KCNJ14: variants seen among roughly 807,000 people sequenced by gnomAD.
KCNJ14 encodes the protein ATP-sensitive inward rectifier potassium channel 14.
Under a neutral mutation model 24.5 loss-of-function variants are expected in KCNJ14, and 18 were observed. The observed-to-expected ratio is 0.74, with a 90% CI of 0.51 to 1.09. The LOEUF (loss-of-function observed/expected upper bound fraction) is 1.09, where lower values mean the gene tolerates loss of function less well. Ranked by LOEUF, KCNJ14 falls within the 50% of genes least tolerant of loss-of-function variation. The pLI is 0.00. For synonymous variants in KCNJ14, 288 were observed against 270.8 expected (o/e 1.06, Z -0.63); for missense variants, 633 against 623.0 (o/e 1.02, Z -0.17).
Position 48,461,844 on chromosome 19 carries a change from G to C in KCNJ14, c.120G>C (p.Pro40=). The part of the protein sequence containing the change: ...GLCRNGWAPA[P]VQSPVGRRRG... ...GCCGCAACGGGTGGGCGCCGGCACC[G>C]GTGCAGTCACCCGTGGGCCGGCGCC... Residue 40 remains proline (P), a synonymous_variant, in exon 2 of 3, where the codon CCG becomes CCC. Transcript: ENST00000342291. The C allele has an allele frequency of 1.3e-6, 2 of 1,533,250 alleles. No individual in the cohort carries two copies. The highest frequency in any genetic ancestry group is 1.8e-6 in the Non-Finnish European group (2 of 1,140,680). The allele number at this position is 1,533,250 out of a possible 1,614,324, so 95.0% of individuals were successfully genotyped here.
rs372136470 is a variant in KCNJ14 at position 48,460,164 on chromosome 19, C to T, written c.-55-1506C>T. ...CATGCTGAGAAGCAGTTACACCTTA[C>T]GATTATGAGCATGGACCCTGGAGCT... On this transcript the variant is annotated intron_variant, in intron 1 of 2. Coordinates refer to ENST00000342291, the MANE Select transcript of KCNJ14 (RefSeq NM_013348.4). Among the ~76,000 whole-genome samples the T allele has an allele frequency of 1.1e-4, 17 of 152,274 alleles. No homozygotes were observed. In the South Asian group the frequency reaches 3.5e-3, roughly 32 times the overall value.
In KCNJ14 at chr19:48,464,810, C is replaced by G; in HGVS notation, c.*33C>G. On this transcript the variant is annotated 3_prime_UTR_variant, in exon 3 of 3. Transcript: ENST00000342291. ...TGATGTCCCCTTCCCCGTGTATGCC[C>G]CCTTCCCCAAGGTAGCAAGATGGAG... 1 of 1,494,990 alleles carries G rather than the reference C, an allele frequency of 6.7e-7. No homozygotes were observed. The highest frequency in any genetic ancestry group is 9.2e-7 in the Non-Finnish European group (1 of 1,089,876). The allele number at this position is 1,494,990 out of a possible 1,614,324, so 92.6% of individuals were successfully genotyped here.
intron 2 of KCNJ14, 54 bp from the exon 3 acceptor site, chr19:48,464,127 C>A: frequency 1.6e-6 from 2 of 1,226,802 alleles, no homozygotes; most frequent in Non-Finnish European, 2.4e-6. Context: ...CTCACTTCGT[C>A]TCTGCCCGTC....
rs537004729 is a variant in KCNJ14, at chr19:48,462,911, C to T, written c.714+473C>T. 6.6e-6 allele frequency among the ~76,000 whole-genome samples: 1 copy of T among 152,158 alleles called. No homozygotes were observed. On this transcript the variant is annotated intron_variant, in intron 2 of 2. Coordinates refer to ENST00000342291, the MANE Select transcript of KCNJ14 (RefSeq NM_013348.4). The surrounding 1 kb of genome is among the most constrained non-coding windows in gnomAD (Gnocchi z 4.9). ...TCGGAGGCCTGTGACTTGAGGCCCC[C>T]GGGAGAAGCAGGCCCTGGAATGGGT...
intron 1 of KCNJ14, 41 bp downstream of exon 1, chr19:48,455,899 A>G (rs1251643531): frequency 6.6e-6 from 1 of 152,304 alleles, no homozygotes; most frequent in African/African-American, 2.4e-5. Context: ...GGCTGTGGGC[A>G]TGTCGGGAGC....
intron 1 of KCNJ14, among the ~76,000 whole-genome samples, chr19:48,459,157 G>A (rs1403842001): frequency 7.1e-6 from 1 of 141,788 alleles, no homozygotes; most frequent in Non-Finnish European, 1.5e-5. Flanking sequence ...GGAGAATGGC[G>A]TGAACCCAGG....
rs1971617458 is a variant in KCNJ14, at chr19:48,462,977, G to A, written c.714+539G>A. Among the ~76,000 whole-genome samples the A allele has an allele frequency of 6.6e-6, 1 of 152,176 alleles. No individual in the cohort carries two copies. Among genetic ancestry groups the A allele is most frequent in the Non-Finnish European group, 1.5e-5 (1 of 68,018 alleles). ...GGAGCACAGTTCTCCAGGCCTCTAGGTGTGGGGTCCTGCGGCATCTGTGGG... is the reference window on the plus strand; with the variant it reads ...GGAGCACAGTTCTCCAGGCCTCTAGATGTGGGGTCCTGCGGCATCTGTGGG... On this transcript the variant is annotated intron_variant, in intron 2 of 2. Transcript: ENST00000342291. The surrounding 1 kb of genome is among the most constrained non-coding windows in gnomAD (Gnocchi z 4.9).
At position 48,461,334 on chromosome 19, in the gene KCNJ14, C is replaced by CA. The variant is rs1214148265; in HGVS notation, c.-55-325dup. 539 of 116,268 alleles carry CA rather than the reference C, an allele frequency of 4.6e-3. 1 individual carries two copies. Among genetic ancestry groups the CA allele is most frequent in the African/African-American group, 4.8e-3 (136 of 28,330 alleles). The allele number at this position is 116,268 out of a possible 1,614,324, so 7.2% of individuals were successfully genotyped here. ...CTGGCGACAAAGCACGACTCCGTCTCAAAAAAAAAAAGAAAAGAAAAGAAA... is the reference window on the plus strand; with the variant it reads ...CTGGCGACAAAGCACGACTCCGTCTCAAAAAAAAAAAAGAAAAGAAAAGAAA... On this transcript the variant is annotated intron_variant, in intron 1 of 2. Transcript: ENST00000342291.
chr19:48,457,727 G>C (rs950993609), intron 1 of KCNJ14, among the ~76,000 whole-genome samples: 9 of 151,486 alleles, frequency 5.9e-5, no homozygotes, highest in African/African-American at 2.2e-4. Context: ...GCCCAAGCTC[G>C]AGTGCACTCG....
intron 1 of KCNJ14, among the ~76,000 whole-genome samples, chr19:48,457,572 T>C (rs1443789402): frequency 6.6e-6 from 1 of 152,258 alleles, no homozygotes; most frequent in African/African-American, 2.4e-5. Flanking sequence ...CCATTTCATT[T>C]ATTTTACAAT....
chr19:48,459,142 A>C (rs1339901674), intron 1 of KCNJ14, among the ~76,000 whole-genome samples: 1 of 146,732 alleles, frequency 6.8e-6, no homozygotes, highest in African/African-American at 2.5e-5. Context: ...CGGGAGGCTG[A>C]GGCAGGAGAA....
chr19:48,463,315 G>C (rs942973759), intron 2 of KCNJ14, among the ~76,000 whole-genome samples: 1 of 152,150 alleles, frequency 6.6e-6, no homozygotes, highest in African/African-American at 2.4e-5. Flanking sequence ...CCGCCTCTGG[G>C]GTTCCTCTAC....
rs543860604 is a variant in KCNJ14, at chr19:48,465,424, T to A, written c.*647T>A. The A allele has an allele frequency of 6.6e-6, 1 of 152,232 alleles. No homozygotes were observed. The highest frequency in any genetic ancestry group is 1.9e-4 in the East Asian group (1 of 5,184). 9.4% of individuals were successfully genotyped at this position (152,232 alleles called of 1,614,324 possible). A position where few individuals can be genotyped will look rare whatever the true frequency, so the allele number is the denominator to read the frequency against. Reference sequence around the variant, plus strand: ...AAGCACTGGTGAGTCTAGGACAGATTTTACGTGGAGAGTTGAACTACTCCA... The same window carrying A: ...AAGCACTGGTGAGTCTAGGACAGATATTACGTGGAGAGTTGAACTACTCCA... On this transcript the variant is annotated 3_prime_UTR_variant, in exon 3 of 3. Coordinates refer to ENST00000342291, the MANE Select transcript of KCNJ14 (RefSeq NM_013348.4).
Position 48,461,757 on chromosome 19 carries a change from C to T in KCNJ14, c.33C>T (p.Ser11=). The T allele has an allele frequency of 6.9e-7, 1 of 1,444,046 alleles. No individual in the cohort carries two copies. The allele number at this position is 1,444,046 out of a possible 1,614,324, so 89.5% of individuals were successfully genotyped here. Residue 11 remains serine, a synonymous_variant, in exon 2 of 3, where the codon AGC becomes AGT. Transcript: ENST00000342291. ...TGGCCAGGGCCCTACGCCGCCTCAG[C>T]GGCGCCCTGGATTCGGGAGACAGCC... MGLARALRRL[S]GALDSGDSRA...
Position 48,461,910 on chromosome 19 carries a change from T to C in KCNJ14, c.186T>C (p.Arg62=), listed in dbSNP as rs2147493697. The change falls in exon 2 of 3, where the codon CGT becomes CGC. Residue 62 remains arginine, a synonymous_variant. Coordinates refer to ENST00000342291, the MANE Select transcript of KCNJ14 (RefSeq NM_013348.4). ...AGAAAGACGGGCACTGCAACGTGCG[T>C]TTCGTAAACCTGGGTGGCCAGGGCG... The part of the protein sequence containing the change: ...FVKKDGHCNV[R]FVNLGGQGAR... 1 of 1,606,978 alleles carries C rather than the reference T, an allele frequency of 6.2e-7. No individual in the cohort carries two copies. Among genetic ancestry groups the C allele is most frequent in the East Asian group, 2.2e-5 (1 of 44,694 alleles).
At position 48,462,431 on chromosome 19, in the gene KCNJ14, T is replaced by C; in HGVS notation, c.707T>C (p.Leu236Pro). 1 of 1,471,946 alleles carries C rather than the reference T, an allele frequency of 6.8e-7. No homozygotes were observed. The highest frequency in any genetic ancestry group is 9.0e-7 in the Non-Finnish European group (1 of 1,108,384). The allele number at this position is 1,471,946 out of a possible 1,614,324, so 91.2% of individuals were successfully genotyped here. ...HLVEAHVRAQ[L>P]LQPRVTPEGE... ...GTCGAGGCCCACGTGCGTGCCCAGC[T>C]GCTGCAGGTGCGCCCGGGAGGAGAG... The change falls in exon 2 of 3, where the codon CTG (leucine) becomes CCG (proline). Residue 236 changes from leucine (L) to proline (P), a missense_variant. Physicochemically the swap from Leu to Pro is moderately conservative, Grantham distance 98. Transcript: ENST00000342291. The surrounding 1 kb of genome is among the most constrained non-coding windows in gnomAD (Gnocchi z 4.9).
At position 48,464,334 on chromosome 19, in the gene KCNJ14, G is replaced by A; in HGVS notation, c.868G>A (p.Ala290Thr). 1.2e-6 allele frequency: 2 copies of A among 1,613,276 alleles called. No individual in the cohort carries two copies. Among genetic ancestry groups the A allele is most frequent in the Non-Finnish European group, 1.7e-6 (2 of 1,179,618 alleles). The change falls in exon 3 of 3, where the codon GCC becomes ACC. Residue 290 changes from alanine (A) to threonine (T), a missense_variant. Physicochemically the swap from Ala to Thr is moderately conservative, Grantham distance 58. Coordinates refer to ENST00000342291, the MANE Select transcript of KCNJ14 (RefSeq NM_013348.4). ...CAGTCCTCTGTATGAGCTAGGACGTGCCGAGCTGGCCAGGGCTGACTTTGA... is the reference window on the plus strand; with the variant it reads ...CAGTCCTCTGTATGAGCTAGGACGTACCGAGCTGGCCAGGGCTGACTTTGA... ...SASPLYELGR[A>T]ELARADFELV...
rs1487205787 is a variant in KCNJ14, at chr19:48,462,228, G to A, written c.504G>A (p.Leu168=). The A allele has an allele frequency of 6.4e-7, 1 of 1,550,514 alleles. No homozygotes were observed. The highest frequency in any genetic ancestry group is 8.7e-7 in the Non-Finnish European group (1 of 1,146,674). Reference sequence around the variant, plus strand: ...CGGCCGCTGTGGCCGCCGTGGTGCTGCAGTGCATTGCCGGCTGCGTGCTCG... The same window carrying A: ...CGGCCGCTGTGGCCGCCGTGGTGCTACAGTGCATTGCCGGCTGCGTGCTCG... The part of the protein sequence containing the change: ...ECPAAVAAVV[L]QCIAGCVLDA... The change falls in exon 2 of 3, where the codon CTG becomes CTA. Residue 168 remains leucine (L), a synonymous_variant. Transcript: ENST00000342291. The surrounding 1 kb of genome is among the most constrained non-coding windows in gnomAD (Gnocchi z 4.9).
intron 1 of KCNJ14, chr19:48,461,170 C>T (rs1027757549): frequency 2.6e-5 from 4 of 151,528 alleles, no homozygotes; most frequent in South Asian, 2.1e-4. Flanking sequence ...ATTACAAAAA[C>T]TTAGCTAGGC....
Sources: allele counts gnomAD v4.1 joint callset (sites outside exome capture counted in the v4.1 genomes callset), GRCh38; gene constraint gnomAD v4.1.1; non-coding constraint Gnocchi (gnomAD v3.1); transcripts MANE v1.5; gene names NCBI Gene and HGNC (gene_info 2026-07-23, HGNC 2026-07-21).